TRAF3: variants seen among roughly 807,000 people sequenced by gnomAD.
TRAF3 encodes TNF receptor-associated factor 3.
In TRAF3, 13 loss-of-function variants were observed where a neutral mutation model predicts 62.3. The observed-to-expected ratio is 0.21, with a 90% CI of 0.14 to 0.33. The LOEUF is 0.33. TRAF3 is among the 10% of genes least tolerant of loss of function. The pLI is 1.00. For synonymous variants in TRAF3, 269 were observed against 283.4 expected, an observed-to-expected ratio of 0.95 and a Z score of 0.51; for missense variants, 440 against 741.8, an observed-to-expected ratio of 0.59 and a Z score of 4.73.
At chr14:102,802,074 G>T (rs35919282) in intron 1 of TRAF3, among the ~76,000 whole-genome samples, 72,656 of 144,126 alleles carry the variant, frequency 0.5, 21,236 homozygotes, top group South Asian at 0.74. Context: ...GCCCATTCTG[G>T]TCTTGAACTC....
rs185220648 is a variant in TRAF3, at chr14:102,789,438, C to A, written c.-157+11763C>A. ...TAACTTATTCCCACCAGCAGTGTTCCAATTTCAGGACATCTTTGCTAAATT... is the reference window on the plus strand; with the variant it reads ...TAACTTATTCCCACCAGCAGTGTTCAAATTTCAGGACATCTTTGCTAAATT... On this transcript the variant is annotated intron_variant, in intron 1 of 11. Transcript: ENST00000392745. Among the ~76,000 whole-genome samples the A allele has an allele frequency of 3.0e-3, 453 of 151,244 alleles. 2 individuals are homozygous for A. Among genetic ancestry groups the A allele is most frequent in the Non-Finnish European group, 5.7e-3 (385 of 67,764 alleles).
In TRAF3 at chr14:102,903,745, A is replaced by C; in HGVS notation, c.1135+316A>C. 3.9e-6 allele frequency: 2 copies of C among 517,360 alleles called. No homozygotes were observed. The highest frequency in any genetic ancestry group is 5.1e-5 in the East Asian group (1 of 19,490). The allele number at this position is 517,360 out of a possible 1,614,324, so 32.0% of individuals were successfully genotyped here. ...CAGGGTGACCCACAGGACAGGCCCA[A>C]GCGCAGATGGCAGAGGCCAGGACCT... On this transcript the variant is annotated intron_variant, in intron 11 of 11. Transcript: ENST00000392745. This position sits in a 1 kb window ranked among gnomAD's most constrained non-coding sequence, Gnocchi z 6.4.
At chr14:102,803,755 T>A (rs529528764) in intron 1 of TRAF3, among the ~76,000 whole-genome samples, 16 of 152,246 alleles carry the variant, frequency 1.1e-4, no homozygotes, top group African/African-American at 3.6e-4. Flanking sequence ...GGTGGCCGGC[T>A]CTGCTCGCTT....
chr14:102,801,781 G>A (rs377079147), intron 1 of TRAF3, among the ~76,000 whole-genome samples: 3 of 152,046 alleles, frequency 2.0e-5, no homozygotes, highest in South Asian at 4.2e-4. Flanking sequence ...CGCTTTGGGA[G>A]GCCGAGGCGG....
chr14:102,876,842 G>A (rs577470328), intron 6 of TRAF3, among the ~76,000 whole-genome samples: 19 of 143,320 alleles, frequency 1.3e-4, no homozygotes, highest in Non-Finnish European at 2.0e-4. Context: ...CAGGCCTTCC[G>A]CTCAGTTCAT....
chr14:102,892,594 A>T (rs1315197192), intron 9 of TRAF3, among the ~76,000 whole-genome samples: 2 of 152,238 alleles, frequency 1.3e-5, no homozygotes, highest in Admixed American at 1.3e-4. Context: ...ACAAACGTCT[A>T]TTGAGAACTT....
chr14:102,843,899 A>G (rs774009327), intron 2 of TRAF3, among the ~76,000 whole-genome samples: 41 of 152,264 alleles, frequency 2.7e-4, no homozygotes, highest in Non-Finnish European at 3.5e-4. Context: ...AAATGAAATG[A>G]AAAAGGTGAA....
At chr14:102,849,200 A>G (rs1040887322) in intron 2 of TRAF3, among the ~76,000 whole-genome samples, 2 of 152,370 alleles carry the variant, frequency 1.3e-5, no homozygotes, top group East Asian at 1.9e-4. Context: ...CACGTCTTCA[A>G]ATACAGTTGA....
intron 2 of TRAF3, among the ~76,000 whole-genome samples, chr14:102,863,960 C>T (rs1595372730): frequency 6.6e-6 from 1 of 152,142 alleles, no homozygotes; most frequent in Admixed American, 6.5e-5. Context: ...GGAGTGGCAG[C>T]CTCTTGTCTT....
chr14:102,855,233 A>T (rs916328348), intron 2 of TRAF3, among the ~76,000 whole-genome samples: 8 of 152,156 alleles, frequency 5.3e-5, no homozygotes, highest in Non-Finnish European at 1.2e-4. Context: ...TCATGTATTG[A>T]TGGACATTTT....
chr14:102,886,313 G>T (rs773381820), intron 7 of TRAF3, 44 bp downstream of exon 7: 91 of 1,549,090 alleles, frequency 5.9e-5, no homozygotes, highest in Non-Finnish European at 7.7e-5. Context: ...GAGTCCTCAG[G>T]GCTGCGTGCC....
intron 10 of TRAF3, among the ~76,000 whole-genome samples, chr14:102,902,832 G>A (rs887984333): frequency 1.3e-5 from 2 of 152,172 alleles, no homozygotes; most frequent in East Asian, 1.9e-4. Flanking sequence ...GCGGGCAGGC[G>A]GCACCAGTGC....
chr14:102,894,092 C>T (rs573773380), intron 9 of TRAF3, among the ~76,000 whole-genome samples: 4 of 151,996 alleles, frequency 2.6e-5, no homozygotes, highest in Non-Finnish European at 5.9e-5. Context: ...TTTGGGAGGC[C>T]GAGGCGGGCA....
intron 1 of TRAF3, among the ~76,000 whole-genome samples, chr14:102,828,496 T>G (rs1900462093): frequency 6.6e-6 from 1 of 152,220 alleles, no homozygotes; most frequent in African/African-American, 2.4e-5. Flanking sequence ...AACTTACTGA[T>G]GCAGTGGGCT....
At chr14:102,879,772 T>A (rs765094621) in intron 6 of TRAF3, among the ~76,000 whole-genome samples, 2 of 152,166 alleles carry the variant, frequency 1.3e-5, no homozygotes, top group Non-Finnish European at 2.9e-5. Flanking sequence ...ATGTCTTTCT[T>A]CCATTGTGAA....
chr14:102,782,568 C>G (rs1343203598), intron 1 of TRAF3, among the ~76,000 whole-genome samples: 1 of 152,188 alleles, frequency 6.6e-6, no homozygotes, highest in African/African-American at 2.4e-5. Context: ...CTTTCCCCAA[C>G]CTACTCCTCT....
At chr14:102,833,384 A>G (rs1254392767) in intron 2 of TRAF3, among the ~76,000 whole-genome samples, 1 of 152,118 alleles carries the variant, frequency 6.6e-6, no homozygotes, top group Non-Finnish European at 1.5e-5. Context: ...GAATATTTCT[A>G]TTTTCTCCTG....
At chr14:102,894,290 G>A (rs1288363577) in intron 9 of TRAF3, among the ~76,000 whole-genome samples, 1 of 152,088 alleles carries the variant, frequency 6.6e-6, no homozygotes, top group African/African-American at 2.4e-5. Context: ...TCATGCCACT[G>A]CATTCCAGCC....
At chr14:102,810,291 T>C (rs1364765335) in intron 1 of TRAF3, among the ~76,000 whole-genome samples, 5 of 152,180 alleles carry the variant, frequency 3.3e-5, no homozygotes, top group Non-Finnish European at 5.9e-5. Context: ...GTATAGATAC[T>C]GTTCATCACA....
Sources: allele counts gnomAD v4.1 joint callset (sites outside exome capture counted in the v4.1 genomes callset), GRCh38; gene constraint gnomAD v4.1.1; non-coding constraint Gnocchi (gnomAD v3.1); transcripts MANE v1.5; gene names NCBI Gene and HGNC (gene_info 2026-07-23, HGNC 2026-07-21).